FBXL13: variants seen among roughly 807,000 people sequenced by gnomAD.
The protein encoded by FBXL13 is F-box and leucine rich repeat protein 13.
Under a neutral mutation model 83.6 loss-of-function variants are expected in FBXL13, and 67 were observed. The ratio of observed to expected loss-of-function variants is 0.80; its 90% confidence interval spans 0.66 to 0.98. FBXL13 has a LOEUF of 0.98. Ranked by LOEUF, FBXL13 falls within the 50% of genes least tolerant of loss-of-function variation. The pLI, the probability that FBXL13 is intolerant of heterozygous loss-of-function variation, is 0.00. For missense variants in FBXL13, 822 were observed against 866.5 expected (o/e 0.95, Z 0.64); for synonymous variants, 272 against 299.5 (o/e 0.91, Z 0.95).
chr7:103,053,955 C>G (rs951495243), intron 2 of FBXL13, among the ~76,000 whole-genome samples: 1 of 152,182 alleles, frequency 6.6e-6, no homozygotes, highest in Non-Finnish European at 1.5e-5. Flanking sequence ...TACTCTCCAC[C>G]CATCCTTCTA....
intron 17 of FBXL13, among the ~76,000 whole-genome samples, chr7:102,850,192 G>A (rs1325167852): frequency 6.6e-6 from 1 of 151,972 alleles, no homozygotes; most frequent in African/African-American, 2.4e-5. Context: ...CAATCTCAGA[G>A]CACCTAAAAA....
At chr7:102,954,423 A>G (rs941383626) in intron 8 of FBXL13, among the ~76,000 whole-genome samples, 1 of 152,250 alleles carries the variant, frequency 6.6e-6, no homozygotes, top group African/African-American at 2.4e-5. Flanking sequence ...AACCGGTACC[A>G]GCCACTGCAA....
chr7:103,066,877 C>T (rs1798449001), intron 1 of FBXL13, among the ~76,000 whole-genome samples: 1 of 149,350 alleles, frequency 6.7e-6, no homozygotes, highest in Admixed American at 6.7e-5. Flanking sequence ...CCGCAACCTT[C>T]GCCTCCTGGG....
chr7:102,859,445 G>A (rs1744692576), intron 16 of FBXL13, among the ~76,000 whole-genome samples: 1 of 151,942 alleles, frequency 6.6e-6, no homozygotes, highest in Non-Finnish European at 1.5e-5. Context: ...CCTAAAGAAT[G>A]TCAGAGCCAG....
At chr7:103,013,199 C>G (rs554888552) in intron 6 of FBXL13, among the ~76,000 whole-genome samples, 1 of 152,162 alleles carries the variant, frequency 6.6e-6, no homozygotes. Flanking sequence ...GCCTTGAATA[C>G]CCCCACTGAC....
intron 11 of FBXL13, among the ~76,000 whole-genome samples, chr7:102,893,982 G>A (rs1563055351): frequency 2.7e-5 from 3 of 111,896 alleles, no homozygotes; most frequent in African/African-American, 1.2e-4. Flanking sequence ...AAGAAAGAAA[G>A]AGGAAAGAAA....
intron 9 of FBXL13, among the ~76,000 whole-genome samples, chr7:102,928,488 A>T (rs895853125): frequency 2.6e-5 from 4 of 152,222 alleles, no homozygotes; most frequent in African/African-American, 7.2e-5. Flanking sequence ...CTCAAAGGGA[A>T]AAACAATAGT....
At chr7:102,923,271 TTAAGTC>T (rs150337176) in intron 10 of FBXL13, among the ~76,000 whole-genome samples, 7,201 of 152,262 alleles carry the variant, frequency 0.047, 255 homozygotes, top group South Asian at 0.13. Context: ...CTCTATCACT[TTAAGTC>T]TAAACAATCA....
downstream of FBXL13, among the ~76,000 whole-genome samples, chr7:102,812,898 AGTGACGT>A (rs372513542): frequency 1.8e-3 from 251 of 142,142 alleles, no homozygotes; most frequent in African/African-American, 6.5e-3. Flanking sequence ...GCTGGAATGC[AGTGACGT>A]GATCTAGGCT....
chr7:103,028,862 A>G (rs1794214781), intron 3 of FBXL13, 114 bp from the exon 5 acceptor site: 1 of 834,224 alleles, frequency 1.2e-6, no homozygotes, highest in Non-Finnish European at 1.7e-6. Context: ...CAAAAACCAC[A>G]GCATAGAAAG....
intron 2 of FBXL13, among the ~76,000 whole-genome samples, chr7:103,048,227 T>C (rs886777467): frequency 2.6e-5 from 4 of 152,096 alleles, no homozygotes; most frequent in Admixed American, 2.0e-4. Flanking sequence ...TATAAAGATA[T>C]ATATATAAAG....
intron 6 of FBXL13, among the ~76,000 whole-genome samples, chr7:103,007,067 G>A (rs77651035): frequency 0.011 from 1,672 of 152,038 alleles, 35 homozygotes; most frequent in African/African-American, 0.039. Context: ...AAGGCTAAGA[G>A]AAAATGAACA....
chr7:102,837,709 C>T (rs905902538), intron 17 of FBXL13, among the ~76,000 whole-genome samples: 2 of 152,056 alleles, frequency 1.3e-5, no homozygotes. Flanking sequence ...ATGCCTGGCT[C>T]ATTTTTTAAT....
rs746084485 is a variant in FBXL13, at chr7:102,883,581, C to A, written c.1212G>T (p.Lys404Asn). 1.2e-6 allele frequency: 2 copies of A among 1,608,382 alleles called. No homozygotes were observed. Among genetic ancestry groups the A allele is most frequent in the Non-Finnish European group, 1.7e-6 (2 of 1,175,918 alleles). Residue 404 changes from lysine to asparagine, a missense_variant, in exon 13 of 20, where the codon AAG (lysine) becomes AAT (asparagine). Transcript: ENST00000313221. ...AATATAACAGACCTTCAAATCGGATCTTTCTGAGTTTACAAGCAGAAAGAG... is the reference window on the plus strand; with the variant it reads ...AATATAACAGACCTTCAAATCGGATATTTCTGAGTTTACAAGCAGAAAGAG...
At chr7:102,939,729 T>C (rs748246967) in intron 8 of FBXL13, 20 of 758,918 alleles carry the variant, frequency 2.6e-5, no homozygotes, top group East Asian at 7.9e-5. Flanking sequence ...ATGACACTTA[T>C]ACTAGGAGTT....
chr7:103,024,855 A>AT (rs1265944529), intron 6 of FBXL13, among the ~76,000 whole-genome samples: 1,331 of 86,120 alleles, frequency 0.015, 26 homozygotes, highest in Admixed American at 0.026. Flanking sequence ...ATATATATAT[A>AT]TATTTTTTTT....
At chr7:102,921,507 C>T (rs1046970913) in intron 10 of FBXL13, among the ~76,000 whole-genome samples, 4 of 150,920 alleles carry the variant, frequency 2.7e-5, no homozygotes, top group Non-Finnish European at 4.4e-5. Context: ...TGGTGAAACC[C>T]TGTCTCTACT....
chr7:102,993,912 C>T (rs1256219488), intron 6 of FBXL13, among the ~76,000 whole-genome samples: 1 of 152,164 alleles, frequency 6.6e-6, no homozygotes, highest in East Asian at 1.9e-4. Flanking sequence ...ATTAAACAGC[C>T]TGTATATAAA....
At chr7:102,845,267 A>G (rs1380170014) in intron 17 of FBXL13, among the ~76,000 whole-genome samples, 1 of 152,138 alleles carries the variant, frequency 6.6e-6, no homozygotes, top group South Asian at 2.1e-4. Context: ...AGAACAGAAG[A>G]TACACCCAGG....
Sources: gnomAD v4.1 joint callset for allele counts (sites outside exome capture counted in the v4.1 genomes callset) on GRCh38, gnomAD v4.1.1 for gene constraint, MANE v1.5 for transcripts, NCBI Gene and HGNC (gene_info 2026-07-23, HGNC 2026-07-21) for gene names.